Variants in KCNB2 observed in about 807,000 individuals in gnomAD.
KCNB2 encodes delayed rectifier potassium channel protein.
A neutral mutation model predicts 61.5 loss-of-function variants in KCNB2; 15 were observed. The observed-to-expected ratio is 0.24, with a 90% CI of 0.16 to 0.38. The LOEUF is 0.38. KCNB2 is among the 10% of genes least tolerant of loss of function. KCNB2 has a pLI of 1.00. For missense variants in KCNB2, 828 were observed against 1,125.2 expected (o/e 0.74, Z 3.78); for synonymous variants, 457 against 446.0 (o/e 1.02, Z -0.31).
intron 2 of KCNB2, among the ~76,000 whole-genome samples, chr8:72,811,293 G>C (rs1463176328): frequency 2.0e-5 from 3 of 150,690 alleles, no homozygotes; most frequent in Non-Finnish European, 4.4e-5. Flanking sequence ...GTAAATCTCT[G>C]GTTCATTTGA....
chr8:72,816,579 C>T (rs1809400162), intron 2 of KCNB2, among the ~76,000 whole-genome samples: 1 of 152,164 alleles, frequency 6.6e-6, no homozygotes, highest in Admixed American at 6.5e-5. Context: ...ACAGTTTAAT[C>T]AGACTATGTA....
intron 2 of KCNB2, among the ~76,000 whole-genome samples, chr8:72,682,357 C>T (rs1477308806): frequency 6.6e-6 from 1 of 151,950 alleles, no homozygotes; most frequent in Non-Finnish European, 1.5e-5. Flanking sequence ...TTATACCATA[C>T]CTTTTGGAAT....
chr8:72,587,573 T>C (rs1021291717), intron 2 of KCNB2, among the ~76,000 whole-genome samples: 6 of 151,638 alleles, frequency 4.0e-5, no homozygotes, highest in African/African-American at 1.5e-4. Flanking sequence ...ATAAGAAAAA[T>C]ACAAAAATTA....
chr8:72,568,796 G>A (rs1298254319), intron 2 of KCNB2, among the ~76,000 whole-genome samples: 4 of 115,952 alleles, frequency 3.4e-5, no homozygotes, highest in Non-Finnish European at 8.9e-5. Flanking sequence ...CAGAGGGCAA[G>A]TGCCACACAC....
intron 2 of KCNB2, among the ~76,000 whole-genome samples, chr8:72,855,471 T>A (rs1479269219): frequency 6.6e-6 from 1 of 152,160 alleles, no homozygotes; most frequent in African/African-American, 2.4e-5. Flanking sequence ...GGAAGCTTTT[T>A]CTCACTTCCC....
At chr8:72,849,322 A>G (rs1279083426) in intron 2 of KCNB2, among the ~76,000 whole-genome samples, 4 of 152,044 alleles carry the variant, frequency 2.6e-5, no homozygotes, top group Non-Finnish European at 4.4e-5. Flanking sequence ...CATCTCAAAC[A>G]TTATCATTTA....
At chr8:72,845,476 A>G (rs192807735) in intron 2 of KCNB2, among the ~76,000 whole-genome samples, 33 of 152,358 alleles carry the variant, frequency 2.2e-4, no homozygotes, top group Middle Eastern at 6.8e-3. Context: ...GTGCTGGGAC[A>G]TCCACTGCTC....
intron 2 of KCNB2, among the ~76,000 whole-genome samples, chr8:72,643,009 G>T (rs185015025): frequency 6.6e-6 from 1 of 152,074 alleles, no homozygotes; most frequent in South Asian, 2.1e-4. Context: ...TAAAGGAAAC[G>T]AAATTTAAAC....
intron 2 of KCNB2, among the ~76,000 whole-genome samples, chr8:72,573,455 A>G (rs1359277828): frequency 6.6e-6 from 1 of 152,244 alleles, no homozygotes; most frequent in African/African-American, 2.4e-5. Flanking sequence ...AATAGGCATT[A>G]AAACCACAAA....
At chr8:72,655,253 T>G (rs1806272966) in intron 2 of KCNB2, among the ~76,000 whole-genome samples, 1 of 151,678 alleles carries the variant, frequency 6.6e-6, no homozygotes, top group Non-Finnish European at 1.5e-5. Flanking sequence ...ATTGAGAACA[T>G]ATGGACACAA....
In KCNB2 at chr8:72,747,712, T is replaced by C. The variant is rs145431751; in HGVS notation, c.579+179399T>C. Among the ~76,000 whole-genome samples the C allele has an allele frequency of 5.5e-3, 838 of 152,334 alleles. 3 individuals are homozygous for C. The highest frequency in any genetic ancestry group is 0.019 in the African/African-American group (792 of 41,576). ...TTCTGTATCAATAAAACCCCTTGAC[T>C]TTGCAAATCCAAAATCTGAAACTAC... On this transcript the variant is annotated intron_variant, in intron 2 of 2. Transcript: ENST00000523207.
At chr8:72,725,596 T>C (rs1202722661) in intron 2 of KCNB2, among the ~76,000 whole-genome samples, 1 of 98,972 alleles carries the variant, frequency 1.0e-5, no homozygotes, top group East Asian at 2.5e-4. Flanking sequence ...TGTATGTATA[T>C]ATATATATAT....
intron 2 of KCNB2, among the ~76,000 whole-genome samples, chr8:72,803,955 G>T (rs1175939893): frequency 1.3e-5 from 2 of 152,308 alleles, no homozygotes; most frequent in Non-Finnish European, 2.9e-5. Flanking sequence ...ACTTTACAAG[G>T]GTAGCAGAAA....
At chr8:72,905,028 G>A (rs1806152374) in intron 2 of KCNB2, among the ~76,000 whole-genome samples, 1 of 152,148 alleles carries the variant, frequency 6.6e-6, no homozygotes, top group Non-Finnish European at 1.5e-5. Context: ...GAATGATGAT[G>A]ATCATGATGA....
At position 72,938,171 on chromosome 8, in the gene KCNB2, T is replaced by C; in HGVS notation, c.*80T>C. On this transcript the variant is annotated 3_prime_UTR_variant, in exon 3 of 3. Transcript: ENST00000523207. Reference sequence around the variant, plus strand: ...TTAAAAATGCGGTTAATAATGCCTGTGAACTAAAAAAATGGGAAGCCCTCC... The same window carrying C: ...TTAAAAATGCGGTTAATAATGCCTGCGAACTAAAAAAATGGGAAGCCCTCC... The C allele has an allele frequency of 1.7e-6, 2 of 1,190,258 alleles. No individual in the cohort carries two copies. Among genetic ancestry groups the C allele is most frequent in the African/African-American group, 1.5e-5 (1 of 65,210 alleles). 73.7% of individuals were successfully genotyped at this position (1,190,258 alleles called of 1,614,324 possible).
At chr8:72,746,518 T>G (rs576874529) in intron 2 of KCNB2, among the ~76,000 whole-genome samples, 1 of 152,120 alleles carries the variant, frequency 6.6e-6, no homozygotes, top group Admixed American at 6.5e-5. Context: ...GGTGACTCAA[T>G]GGGGAGATCA....
intron 2 of KCNB2, among the ~76,000 whole-genome samples, chr8:72,765,714 G>A (rs1808450535): frequency 6.6e-6 from 1 of 152,174 alleles, no homozygotes; most frequent in South Asian, 2.1e-4. Context: ...GGTAATGAAT[G>A]CTATAGTGGT....
At chr8:72,768,556 C>A (rs1335005753) in intron 2 of KCNB2, among the ~76,000 whole-genome samples, 1 of 151,904 alleles carries the variant, frequency 6.6e-6, no homozygotes, top group Non-Finnish European at 1.5e-5. Flanking sequence ...TTGCTATAGT[C>A]CCAGTCCAAT....
chr8:72,561,752 T>TATAG (rs1806529772), intron 1 of KCNB2, among the ~76,000 whole-genome samples: 1 of 27,388 alleles, frequency 3.7e-5, no homozygotes, highest in Admixed American at 5.0e-4. Context: ...TATATGTATA[T>TATAG]ATATATATGG....
Sources: allele counts gnomAD v4.1 joint callset (sites outside exome capture counted in the v4.1 genomes callset), GRCh38; gene constraint gnomAD v4.1.1; transcripts MANE v1.5; gene names NCBI Gene and HGNC (gene_info 2026-07-23, HGNC 2026-07-21).